SBNO1: variants seen among roughly 807,000 people sequenced by gnomAD.
SBNO1 encodes the protein protein strawberry notch homolog 1.
Under a neutral mutation model 173.6 loss-of-function variants are expected in SBNO1, and 23 were observed. That is an observed-to-expected ratio of 0.13 (90% CI 0.10 to 0.19). The LOEUF is 0.19. SBNO1 is among the 10% of genes least tolerant of loss of function. The probability of loss-of-function intolerance (pLI) is 1.00; values close to 1 mark genes in which losing one functional copy is unlikely to be tolerated. For synonymous variants in SBNO1, 632 were observed against 571.5 expected (o/e 1.11, Z -1.51); for missense variants, 1,238 against 1,671.2 (o/e 0.74, Z 4.52).
chr12:123,337,916 G>A (rs1361730680), intron 5 of SBNO1, among the ~76,000 whole-genome samples: 2 of 152,094 alleles, frequency 1.3e-5, no homozygotes, highest in Non-Finnish European at 2.9e-5. Context: ...TAAAATTGAT[G>A]ATAATTGAAT....
chr12:123,330,588 G>T, intron 8 of SBNO1, 79 bp from the exon 9 acceptor site: 5 of 737,168 alleles, frequency 6.8e-6, no homozygotes, highest in Non-Finnish European at 1.1e-5. Context: ...ATAAAGCCAG[G>T]TCTTGACACT....
Position 123,292,396 on chromosome 12 carries a change from T to G in SBNO1, c.*3512A>C, listed in dbSNP as rs1333121706. On this transcript the variant is annotated 3_prime_UTR_variant, in exon 32 of 32. Coordinates refer to ENST00000602398, the MANE Select transcript of SBNO1 (RefSeq NM_001167856.3). ...ACTTCCATGAAGTGAGATGCAACAA[T>G]CATTTCCAATCTATTTTTTTATCTC... 6.6e-6 allele frequency: 1 copy of G among 152,130 alleles called. No homozygotes were observed. Among genetic ancestry groups the G allele is most frequent in the African/African-American group, 2.4e-5 (1 of 41,428 alleles). The allele number at this position is 152,130 out of a possible 1,614,324, so 9.4% of individuals were successfully genotyped here. A position where few individuals can be genotyped will look rare whatever the true frequency, so the allele number is the denominator to read the frequency against.
chr12:123,317,476 C>A, intron 20 of SBNO1, 120 bp from the exon 21 acceptor site: 8 of 871,496 alleles, frequency 9.2e-6, no homozygotes, highest in Non-Finnish European at 1.4e-5. Context: ...ATGAAGACTT[C>A]CAGTTTTATT....
chr12:123,350,930 C>T (rs554567433), intron 1 of SBNO1, among the ~76,000 whole-genome samples: 3 of 152,156 alleles, frequency 2.0e-5, no homozygotes, highest in South Asian at 2.1e-4. Flanking sequence ...GAGACCAGCC[C>T]GGCCAAAATG....
chr12:123,328,164 T>C (rs1870800595), intron 10 of SBNO1, 137 bp from the exon 11 acceptor site: 1 of 607,350 alleles, frequency 1.6e-6, no homozygotes, highest in East Asian at 2.8e-5. Context: ...GGAAGTCCTA[T>C]GGGCCTTTCC....
intron 1 of SBNO1, among the ~76,000 whole-genome samples, chr12:123,360,160 G>A (rs945683602): frequency 1.2e-4 from 18 of 151,738 alleles, no homozygotes; most frequent in South Asian, 4.2e-4. Flanking sequence ...CAGGAGAATC[G>A]CTTGAATCTG....
At chr12:123,304,112 G>C (rs1192319834) in intron 29 of SBNO1, among the ~76,000 whole-genome samples, 2 of 152,040 alleles carry the variant, frequency 1.3e-5, no homozygotes, top group South Asian at 4.2e-4. Context: ...TCTATCTTTA[G>C]TAGAGATGAG....
At chr12:123,333,768 G>A (rs1871515284) in intron 7 of SBNO1, among the ~76,000 whole-genome samples, 1 of 152,098 alleles carries the variant, frequency 6.6e-6, no homozygotes. Flanking sequence ...AAACTGTTGG[G>A]ATTGCAGACA....
chr12:123,311,585 C>T (rs1454371181), intron 24 of SBNO1, among the ~76,000 whole-genome samples: 1 of 151,384 alleles, frequency 6.6e-6, no homozygotes, highest in Non-Finnish European at 1.5e-5. Flanking sequence ...AAACTCCTAA[C>T]CTCCGGAGAT....
At chr12:123,314,356 A>G (rs1869010226) in intron 23 of SBNO1, among the ~76,000 whole-genome samples, 2 of 150,704 alleles carry the variant, frequency 1.3e-5, no homozygotes, top group South Asian at 2.1e-4. Flanking sequence ...TTTGAGACGG[A>G]GTCTTGCTCT....
rs565818622 is a variant in SBNO1 at position 123,336,281 on chromosome 12, G to A, written c.748+114C>T. On this transcript the variant is annotated intron_variant, in intron 6 of 31. Transcript: ENST00000602398. ...AGCTTCTTTAGTTTTGGTTTTAAAA[G>A]ACTTTGACCTAAAGCAAGATTCTAA... 1.2e-4 allele frequency: 87 copies of A among 714,802 alleles called. No homozygotes were observed. The Middle Eastern group carries it at 2.4e-3, about 20-fold the overall frequency. 44.3% of individuals were successfully genotyped at this position (714,802 alleles called of 1,614,324 possible).
At chr12:123,354,313 T>G (rs1874190792) in intron 1 of SBNO1, among the ~76,000 whole-genome samples, 1 of 152,126 alleles carries the variant, frequency 6.6e-6, no homozygotes, top group Admixed American at 6.6e-5. Flanking sequence ...TTTAAGACCC[T>G]CTAATCTGAT....
Position 123,293,625 on chromosome 12 carries a change from T to A in SBNO1, c.*2283A>T, listed in dbSNP as rs564593653. 2 of 152,082 alleles carry A rather than the reference T, an allele frequency of 1.3e-5. No individual in the cohort carries two copies. The highest frequency in any genetic ancestry group is 1.9e-4 in the East Asian group (1 of 5,178). 9.4% of individuals were successfully genotyped at this position (152,082 alleles called of 1,614,324 possible). On this transcript the variant is annotated 3_prime_UTR_variant, in exon 32 of 32. Transcript: ENST00000602398. Reference sequence around the variant, plus strand: ...AGGCCTTTTTAATGAGAAAAAAAAATAGCTGTTCTACAAAGAACCTAAGAT... The same window carrying A: ...AGGCCTTTTTAATGAGAAAAAAAAAAAGCTGTTCTACAAAGAACCTAAGAT...
At chr12:123,327,376 C>A in intron 13 of SBNO1, 50 bp downstream of exon 13, 1 of 1,503,358 alleles carries the variant, frequency 6.7e-7, no homozygotes. Context: ...CTAACAGAAA[C>A]ATTATCAGAT....
intron 9 of SBNO1, among the ~76,000 whole-genome samples, chr12:123,330,167 G>A (rs962656384): frequency 6.6e-6 from 1 of 152,180 alleles, no homozygotes; most frequent in African/African-American, 2.4e-5. Context: ...GTACACTTGA[G>A]AGCACATCTC....
At chr12:123,319,798 A>C in intron 20 of SBNO1, 102 bp downstream of exon 20, 1 of 954,052 alleles carries the variant, frequency 1.0e-6, no homozygotes, top group Non-Finnish European at 1.6e-6. Flanking sequence ...GACAATACTC[A>C]ATGGACATGA....
chr12:123,326,213 CA>C lies in SBNO1; in HGVS notation c.1813del (p.Cys605AlafsTer2). 1.2e-6 allele frequency: 2 copies of C among 1,613,440 alleles called. No homozygotes were observed. ...AACCCTTTTAACTTTGGATGCTATG[CA>C]TAAGTATTTGAAGAACCTCTGGTGA... ...SAHQRFFKYL[C>X]IASKVKRVVQ... On this transcript the variant is annotated frameshift_variant, in exon 14 of 32. Transcript: ENST00000602398. LOFTEE classifies it high-confidence loss of function.
intron 1 of SBNO1, 164 bp downstream of exon 1, chr12:123,364,537 G>A (rs929739849): frequency 5.1e-6 from 5 of 983,554 alleles, no homozygotes; most frequent in Admixed American, 1.2e-4. Context: ...CGAGGGCCCC[G>A]GAGCGCGCGG....
At chr12:123,360,721 G>C (rs1875049143) in intron 1 of SBNO1, among the ~76,000 whole-genome samples, 1 of 152,104 alleles carries the variant, frequency 6.6e-6, no homozygotes, top group South Asian at 2.1e-4. Flanking sequence ...TGGGATTACA[G>C]GCGTGCACCA....
Sources: gnomAD v4.1 joint callset for allele counts (sites outside exome capture counted in the v4.1 genomes callset) on GRCh38, gnomAD v4.1.1 for gene constraint, MANE v1.5 for transcripts, NCBI Gene and HGNC (gene_info 2026-07-23, HGNC 2026-07-21) for gene names.